The following DHX15 variants were observed in gnomAD, a reference collection of about 807,000 sequenced individuals.
The protein encoded by DHX15 is DEAH-box helicase 15.
In DHX15, 11 loss-of-function variants were observed where a neutral mutation model predicts 94.4. The observed-to-expected ratio is 0.12, with a 90% CI of 0.07 to 0.19. DHX15 has a LOEUF of 0.19. Ranked by LOEUF, DHX15 falls within the 10% of genes least tolerant of loss-of-function variation. The probability of loss-of-function intolerance (pLI) is 1.00; values close to 1 mark genes in which losing one functional copy is unlikely to be tolerated. For synonymous variants in DHX15, 338 were observed against 329.9 expected (o/e 1.02, Z -0.27); for missense variants, 304 against 988.5 (o/e 0.31, Z 9.29).
chr4:24,561,866 C>G (rs1279637153), intron 3 of DHX15, among the ~76,000 whole-genome samples: 1 of 152,104 alleles, frequency 6.6e-6, no homozygotes, highest in Non-Finnish European at 1.5e-5. Context: ...AATCTGTACA[C>G]CAGCCCGTAA....
At chr4:24,532,071 C>G (rs2109391643) in intron 12 of DHX15, among the ~76,000 whole-genome samples, 1 of 152,266 alleles carries the variant, frequency 6.6e-6, no homozygotes, top group South Asian at 2.1e-4. Flanking sequence ...AGACTTATCC[C>G]AAATCAGGTG....
chr4:24,579,619 A>G (rs1722359849), intron 1 of DHX15, among the ~76,000 whole-genome samples: 1 of 152,202 alleles, frequency 6.6e-6, no homozygotes, highest in Non-Finnish European at 1.5e-5. Flanking sequence ...AGCCAACTAT[A>G]GGATCACAGT....
chr4:24,553,225 G>GCA (rs1406290473), intron 5 of DHX15, among the ~76,000 whole-genome samples: 1 of 152,200 alleles, frequency 6.6e-6, no homozygotes, highest in Non-Finnish European at 1.5e-5. Flanking sequence ...GAAGGCTGAG[G>GCA]CAGGAGAATC....
Position 24,550,094 on chromosome 4 carries a change from C to CAAAAAAAAAAAAAAAAAA in DHX15, c.1081-1090_1081-1073dup, listed in dbSNP as rs58459661. 7.9e-3 allele frequency among the ~76,000 whole-genome samples: 391 copies of CAAAAAAAAAAAAAAAAAA among 49,730 alleles called. 62 individuals are homozygous for CAAAAAAAAAAAAAAAAAA. The highest frequency in any genetic ancestry group is 0.026 in the Middle Eastern group (2 of 78). The allele number at this position is 49,730 out of a possible 152,430, so 32.6% of individuals were successfully genotyped here. ...GGGCAAAAAGAGGGAAACTCCGTCT[C>CAAAAAAAAAAAAAAAAAA]AAAAAAAAAAAAAAAAAAAAAAAAA... On this transcript the variant is annotated intron_variant, in intron 5 of 13. Coordinates refer to ENST00000336812, the MANE Select transcript of DHX15 (RefSeq NM_001358.3).
intron 3 of DHX15, among the ~76,000 whole-genome samples, chr4:24,560,899 TAAC>T (rs1438914548): frequency 1.3e-5 from 2 of 152,306 alleles, no homozygotes; most frequent in Non-Finnish European, 2.9e-5. Flanking sequence ...ATTTTTCACT[TAAC>T]AAGATTGACA....
At position 24,540,226 on chromosome 4, in the gene DHX15, A is replaced by G. The variant is rs1721280527; in HGVS notation, c.1668T>C (p.Thr556=). Residue 556 remains threonine, a synonymous_variant, in exon 10 of 14, where the codon ACT becomes ACC. Coordinates refer to ENST00000336812, the MANE Select transcript of DHX15 (RefSeq NM_001358.3). ...LAALNDDGDL[T]ELGSMMAEFP... Reference sequence around the variant, plus strand: ...ACTCTGCCATCATGGATCCCAATTCAGTCAGATCTCCATCATCATTTAAAG... The same window carrying G: ...ACTCTGCCATCATGGATCCCAATTCGGTCAGATCTCCATCATCATTTAAAG... 6.2e-7 allele frequency: 1 copy of G among 1,613,464 alleles called. No homozygotes were observed. The highest frequency in any genetic ancestry group is 8.5e-7 in the Non-Finnish European group (1 of 1,179,612).
At chr4:24,559,736 T>C (rs562412838) in intron 3 of DHX15, among the ~76,000 whole-genome samples, 1 of 152,146 alleles carries the variant, frequency 6.6e-6, no homozygotes, top group Non-Finnish European at 1.5e-5. Context: ...GAGATGCTCT[T>C]AAAAATTTAT....
At chr4:24,582,244 T>C (rs554424566) in intron 1 of DHX15, among the ~76,000 whole-genome samples, 1 of 152,216 alleles carries the variant, frequency 6.6e-6, no homozygotes, top group Non-Finnish European at 1.5e-5. Flanking sequence ...CCTCTACTAT[T>C]TCTTATAACT....
rs1034671394 is a variant in DHX15 at position 24,532,981 on chromosome 4, G to A, written c.1983C>T (p.Arg661=). 8 of 1,613,910 alleles carry A rather than the reference G, an allele frequency of 5.0e-6. No homozygotes were observed. In the Admixed American group the frequency reaches 6.7e-5, roughly 13 times the overall value. The change falls in exon 12 of 14, where the codon CGC becomes CGT. Residue 661 remains arginine, a synonymous_variant. Coordinates refer to ENST00000336812, the MANE Select transcript of DHX15 (RefSeq NM_001358.3). ...YRSLMSADNV[R]QQLSRIMDRF... ...TGTCCATAATTCGAGATAGCTGCTG[G>A]CGTACATTGTCTGCGGACATCAGGG...
intron 6 of DHX15, among the ~76,000 whole-genome samples, chr4:24,547,308 A>C (rs1721445932): frequency 6.6e-6 from 1 of 152,254 alleles, no homozygotes; most frequent in African/African-American, 2.4e-5. Context: ...GAGTGAGCCC[A>C]TCACCAGCTG....
chr4:24,533,176 C>A (rs781062785), intron 11 of DHX15, 122 bp from the exon 12 acceptor site: 2 of 868,588 alleles, frequency 2.3e-6, no homozygotes, highest in East Asian at 2.5e-5. Context: ...GATTTACCCA[C>A]AACATTTTCT....
chr4:24,559,679 T>C (rs1446870179), intron 3 of DHX15, among the ~76,000 whole-genome samples: 1 of 152,198 alleles, frequency 6.6e-6, no homozygotes, highest in South Asian at 2.1e-4. Flanking sequence ...CTCCACACTT[T>C]ACTGGGTGCC....
Position 24,584,514 on chromosome 4 carries a change from G to C in DHX15, c.-121C>G. 1.0e-6 allele frequency: 1 copy of C among 995,470 alleles called. No homozygotes were observed. Among genetic ancestry groups the C allele is most frequent in the East Asian group, 3.2e-5 (1 of 31,420 alleles). 61.7% of individuals were successfully genotyped at this position (995,470 alleles called of 1,614,324 possible). ...CCCTCCCGCTACTACAGCCCACACGGTGCGGCCGGAACCAACAGCTAAAAT... is the reference window on the plus strand; with the variant it reads ...CCCTCCCGCTACTACAGCCCACACGCTGCGGCCGGAACCAACAGCTAAAAT... On this transcript the variant is annotated 5_prime_UTR_variant, in exon 1 of 14. Coordinates refer to ENST00000336812, the MANE Select transcript of DHX15 (RefSeq NM_001358.3).
chr4:24,570,174 A>C (rs887798743), intron 3 of DHX15, among the ~76,000 whole-genome samples: 2 of 152,248 alleles, frequency 1.3e-5, no homozygotes, highest in African/African-American at 4.8e-5. Context: ...CAGCTCTAAC[A>C]GTGTATTACA....
intron 11 of DHX15, among the ~76,000 whole-genome samples, chr4:24,534,425 A>C (rs888304932): frequency 3.9e-5 from 6 of 152,206 alleles, no homozygotes; most frequent in African/African-American, 1.4e-4. Flanking sequence ...TTGCAAATCT[A>C]AGTTATTTGT....
intron 6 of DHX15, among the ~76,000 whole-genome samples, chr4:24,543,764 T>C (rs915694482): frequency 2.0e-5 from 3 of 152,174 alleles, no homozygotes; most frequent in African/African-American, 7.2e-5. Context: ...GAAATACATG[T>C]TACATATAAT....
intron 2 of DHX15, among the ~76,000 whole-genome samples, chr4:24,571,769 G>A (rs1577349480): frequency 6.6e-6 from 1 of 152,132 alleles, no homozygotes; most frequent in Admixed American, 6.5e-5. Flanking sequence ...GAATATTGGT[G>A]GCTGCACTAT....
At chr4:24,542,831 A>G in intron 7 of DHX15, 109 bp downstream of exon 7, 1 of 840,660 alleles carries the variant, frequency 1.2e-6, no homozygotes, top group Non-Finnish European at 1.9e-6. Context: ...TGCAAATAAA[A>G]AAAAAGATAG....
intron 11 of DHX15, among the ~76,000 whole-genome samples, chr4:24,535,574 AC>A (rs1309378728): frequency 1.3e-5 from 2 of 152,194 alleles, no homozygotes; most frequent in South Asian, 2.1e-4. Flanking sequence ...TGGTTTCATA[AC>A]CACATTTCCC....
Sources: gnomAD v4.1 joint callset for allele counts (sites outside exome capture counted in the v4.1 genomes callset) on GRCh38, gnomAD v4.1.1 for gene constraint, MANE v1.5 for transcripts, NCBI Gene and HGNC (gene_info 2026-07-23, HGNC 2026-07-21) for gene names.